PSMA1: variants seen among roughly 807,000 people sequenced by gnomAD.
PSMA1 encodes proteasome 20S subunit alpha 1.
A neutral mutation model predicts 38.4 loss-of-function variants in PSMA1; 3 were observed. The ratio of observed to expected loss-of-function variants is 0.08; its 90% CI spans 0.04 to 0.20. PSMA1 has a LOEUF of 0.20. Among genes scored for constraint, PSMA1 ranks in the 10% least tolerant of loss-of-function variants. The pLI is 1.00. For missense variants in PSMA1, 227 were observed against 325.3 expected, an observed-to-expected ratio of 0.70 and a Z score of 2.32; for synonymous variants, 101 against 107.1, an observed-to-expected ratio of 0.94 and a Z score of 0.35.
chr11:14,513,344 T>G (rs1589978337), intron 7 of PSMA1: 2 of 407,724 alleles, frequency 4.9e-6, no homozygotes, highest in Non-Finnish European at 8.0e-6. Flanking sequence ...TGGGAACACA[T>G]TTATATTTTG....
chr11:14,523,013 A>T (rs968126602), upstream of PSMA1, among the ~76,000 whole-genome samples: 1 of 152,224 alleles, frequency 6.6e-6, no homozygotes, highest in African/African-American at 2.4e-5. Context: ...CTATCACTCC[A>T]AACCTGTCCT....
chr11:14,519,612 A>C (rs1002162362), intron 1 of PSMA1, among the ~76,000 whole-genome samples: 1 of 152,160 alleles, frequency 6.6e-6, no homozygotes, highest in Non-Finnish European at 1.5e-5. Flanking sequence ...TGTCCTCACA[A>C]AGTTAGAGGT....
intron 2 of PSMA1, among the ~76,000 whole-genome samples, chr11:14,551,783 A>G (rs922210974): frequency 2.6e-5 from 4 of 152,344 alleles, no homozygotes; most frequent in Middle Eastern, 3.4e-3. Flanking sequence ...ATGAAAGTCT[A>G]CTTTAAAGAG....
At chr11:14,580,307 G>A (rs1375953) in intron 2 of PSMA1, among the ~76,000 whole-genome samples, 3,451 of 152,164 alleles carry the variant, frequency 0.023, 97 homozygotes, top group African/African-American at 0.067. Flanking sequence ...TCTCAAACAC[G>A]TCTTATCCTT....
chr11:14,631,265 C>T (rs1189790735), intron 1 of PSMA1, among the ~76,000 whole-genome samples: 1 of 152,076 alleles, frequency 6.6e-6, no homozygotes, highest in African/African-American at 2.4e-5. Context: ...GTTAGTGTGT[C>T]AATTTTCGAT....
exon 2 of PSMA1, chr11:14,611,019 A>G (rs1006351518): frequency 6.2e-7 from 1 of 1,603,644 alleles, no homozygotes; most frequent in Non-Finnish European, 8.5e-7. Flanking sequence ...CTAGTAGACC[A>G]ACATACAACA....
At chr11:14,598,559 G>A (rs1852533586) in intron 2 of PSMA1, among the ~76,000 whole-genome samples, 1 of 147,008 alleles carries the variant, frequency 6.8e-6, no homozygotes, top group South Asian at 2.1e-4. Context: ...TCAGAGACTA[G>A]GATTGCAACC....
intron 2 of PSMA1, among the ~76,000 whole-genome samples, chr11:14,579,602 TATA>T (rs1173193843): frequency 6.6e-6 from 1 of 151,908 alleles, no homozygotes; most frequent in Non-Finnish European, 1.5e-5. Flanking sequence ...GTGTCACTAT[TATA>T]ATATAAATGC....
intron 3 of PSMA1, 24 bp from the exon 4 acceptor site, chr11:14,517,769 T>TAAA: frequency 7.6e-6 from 10 of 1,320,068 alleles, no homozygotes; most frequent in South Asian, 1.4e-5. Flanking sequence ...TTATAAGATG[T>TAAA]AAAAAAAAAA....
At chr11:14,568,220 G>A (rs1852096749) in intron 2 of PSMA1, among the ~76,000 whole-genome samples, 5 of 152,150 alleles carry the variant, frequency 3.3e-5, no homozygotes. Context: ...CAACTCCAAA[G>A]CCATACCTTT....
At chr11:14,512,390 A>AG (rs1837775795) in intron 7 of PSMA1, among the ~76,000 whole-genome samples, 2 of 152,106 alleles carry the variant, frequency 1.3e-5, no homozygotes, top group South Asian at 4.1e-4. Flanking sequence ...AAAAAAAAAA[A>AG]GAATTAAATA....
At chr11:14,537,711 CT>C (rs368892641) in intron 2 of PSMA1, among the ~76,000 whole-genome samples, 2,007 of 138,326 alleles carry the variant, frequency 0.015, 27 homozygotes, top group African/African-American at 0.037. Context: ...TAAAATTACC[CT>C]TTTTTTTTTT....
At chr11:14,605,821 C>T (rs562693026) in intron 2 of PSMA1, among the ~76,000 whole-genome samples, 2 of 152,274 alleles carry the variant, frequency 1.3e-5, no homozygotes, top group South Asian at 2.1e-4. Context: ...TTTCTCCCAA[C>T]GTGTAGGTTG....
intron 1 of PSMA1, among the ~76,000 whole-genome samples, chr11:14,617,697 A>G (rs5002698): frequency 0.056 from 7,455 of 133,782 alleles, 212 homozygotes; most frequent in African/African-American, 0.1. Context: ...ATATATATAT[A>G]TGTGTGTGTG....
At chr11:14,572,363 C>T (rs538086395) in intron 2 of PSMA1, among the ~76,000 whole-genome samples, 4 of 152,314 alleles carry the variant, frequency 2.6e-5, no homozygotes, top group African/African-American at 9.6e-5. Context: ...AAGAAATTCA[C>T]TGAAAACTGC....
chr11:14,587,956 C>T (rs896944968), intron 2 of PSMA1, among the ~76,000 whole-genome samples: 1 of 152,328 alleles, frequency 6.6e-6, no homozygotes, highest in Admixed American at 6.5e-5. Context: ...TAATCAGCAA[C>T]TTATTGAGCA....
intron 2 of PSMA1, among the ~76,000 whole-genome samples, chr11:14,535,444 CTTT>C (rs766986230): frequency 6.6e-5 from 9 of 135,838 alleles, no homozygotes; most frequent in Non-Finnish European, 8.0e-5. Context: ...TTCTTTCTTT[CTTT>C]TTTTTTTTTT....
rs530766901 is a variant in PSMA1 at position 14,576,494 on chromosome 11, A to G, written c.21+34472T>C. 2.3e-3 allele frequency among the ~76,000 whole-genome samples: 358 copies of G among 152,352 alleles called. 2 individuals are homozygous for G. Among genetic ancestry groups the G allele is most frequent in the African/African-American group, 8.3e-3 (345 of 41,584 alleles). ...AAGGGATTCAGTTTTAGCTTTCTACATATGGCTAGCCAGTTTTCCCAGCAC... is the reference window on the plus strand; with the variant it reads ...AAGGGATTCAGTTTTAGCTTTCTACGTATGGCTAGCCAGTTTTCCCAGCAC... On this transcript the variant is annotated intron_variant, in intron 2 of 10. Coordinates refer to the PSMA1 transcript ENST00000418988.
chr11:14,624,656 T>C (rs564749520), intron 1 of PSMA1, among the ~76,000 whole-genome samples: 5 of 152,122 alleles, frequency 3.3e-5, no homozygotes, highest in Non-Finnish European at 7.4e-5. Flanking sequence ...CAGGCAAGAA[T>C]AGGGTCACAT....
Sources: gnomAD v4.1 joint callset for allele counts (sites outside exome capture counted in the v4.1 genomes callset) on GRCh38, gnomAD v4.1.1 for gene constraint, MANE v1.5 for transcripts, NCBI Gene and HGNC (gene_info 2026-07-23, HGNC 2026-07-21) for gene names.